SLC9A7: variants seen among roughly 807,000 people sequenced by gnomAD.
SLC9A7 encodes solute carrier family 9 member A7, also known as sodium/hydrogen exchanger 7.
Under a neutral mutation model 52.6 loss-of-function variants are expected in SLC9A7, and 19 were observed. That is an observed-to-expected ratio of 0.36 (90% confidence interval 0.25 to 0.53). The LOEUF is 0.53. SLC9A7 is among the 20% of genes least tolerant of loss of function. SLC9A7 has a pLI of 0.91. For missense variants in SLC9A7, 455 were observed against 597.9 expected (o/e 0.76, Z 2.49); for synonymous variants, 226 against 252.1 (o/e 0.90, Z 0.98).
At chrX:46,679,426 T>C (rs949040000) in intron 3 of SLC9A7, among the ~76,000 whole-genome samples, 2 of 112,598 alleles carry the variant, frequency 1.8e-5, no homozygotes, top group Admixed American at 9.4e-5. Flanking sequence ...CAATTTCAAC[T>C]TTAGTTTTAT....
At chrX:46,748,899 A>C (rs140891048) in intron 1 of SLC9A7, among the ~76,000 whole-genome samples, 5 of 110,617 alleles carry the variant, frequency 4.5e-5, no homozygotes, top group African/African-American at 1.6e-4. Context: ...TGAATATTAT[A>C]AATGTTATTA....
At chrX:46,682,567 G>A (rs1006644377) in intron 1 of SLC9A7, 32 bp from the exon 2 acceptor site, 1 of 1,137,879 alleles carries the variant, frequency 8.8e-7, no homozygotes. Flanking sequence ...CATCAGGCCT[G>A]AGGAAGGATA....
At chrX:46,614,480 A>G (rs992211272) in intron 15 of SLC9A7, among the ~76,000 whole-genome samples, 3 of 111,983 alleles carry the variant, frequency 2.7e-5, no homozygotes. Context: ...GAAAGATCCT[A>G]AGTTGAAGCA....
intron 12 of SLC9A7, among the ~76,000 whole-genome samples, chrX:46,637,837 C>G (rs1269423619): frequency 8.9e-6 from 1 of 112,839 alleles, no homozygotes; most frequent in African/African-American, 3.2e-5. Flanking sequence ...ATATCAATCA[C>G]AAAACACCAA....
chrX:46,641,788 C>G (rs191216406), intron 12 of SLC9A7, among the ~76,000 whole-genome samples: 1 of 111,835 alleles, frequency 8.9e-6, no homozygotes, highest in East Asian at 2.8e-4. Flanking sequence ...CAAATCCTAG[C>G]TTGTCCACTT....
intron 1 of SLC9A7, among the ~76,000 whole-genome samples, chrX:46,742,356 G>A (rs369359471): frequency 9.1e-6 from 1 of 109,324 alleles, no homozygotes; most frequent in Non-Finnish European, 1.9e-5. Flanking sequence ...TCAAAAACTC[G>A]AAACAAGCCT....
At chrX:46,703,663 C>T (rs1294307935) in intron 1 of SLC9A7, among the ~76,000 whole-genome samples, 5 of 111,488 alleles carry the variant, frequency 4.5e-5, no homozygotes, top group African/African-American at 1.6e-4. Context: ...AATGTCTCCT[C>T]CAAAGGGTAC....
chrX:46,745,849 A>G (rs1267918371), intron 1 of SLC9A7, among the ~76,000 whole-genome samples: 1 of 108,985 alleles, frequency 9.2e-6, no homozygotes, highest in Non-Finnish European at 1.9e-5. Context: ...TCTATTAAAA[A>G]AAAAAAAAAA....
chrX:46,660,540 C>A (rs1355286277), intron 7 of SLC9A7, among the ~76,000 whole-genome samples: 4 of 110,343 alleles, frequency 3.6e-5, no homozygotes, highest in Non-Finnish European at 7.6e-5. Flanking sequence ...AACAAACAAC[C>A]CCATCAAAAA....
At chrX:46,725,555 G>A in intron 1 of SLC9A7, 1 of 966,606 alleles carries the variant, frequency 1.0e-6, no homozygotes, top group South Asian at 1.9e-5. Flanking sequence ...CTTGTTCTAT[G>A]TTGAATGACT....
intron 1 of SLC9A7, among the ~76,000 whole-genome samples, chrX:46,732,665 A>G: frequency 8.9e-6 from 1 of 112,328 alleles, no homozygotes; most frequent in African/African-American, 3.2e-5. Flanking sequence ...ACTTCTAATG[A>G]GAAGAATCTG....
intron 15 of SLC9A7, among the ~76,000 whole-genome samples, chrX:46,617,970 A>G (rs758869397): frequency 1.8e-5 from 2 of 111,950 alleles, no homozygotes; most frequent in South Asian, 7.5e-4. Context: ...CACTGAGAAC[A>G]ACTAGAAAAG....
At chrX:46,751,456 A>C (rs1203597487) in intron 1 of SLC9A7, among the ~76,000 whole-genome samples, 1 of 111,552 alleles carries the variant, frequency 9.0e-6, no homozygotes, top group East Asian at 2.8e-4. Flanking sequence ...CTTGTATGTT[A>C]AACAGAGGCA....
chrX:46,755,691 C>T (rs1008552238), intron 1 of SLC9A7, among the ~76,000 whole-genome samples: 1 of 109,170 alleles, frequency 9.2e-6, no homozygotes, highest in Non-Finnish European at 1.9e-5. Context: ...GGCATGGTGG[C>T]GGGCGCCTGT....
intron 13 of SLC9A7, among the ~76,000 whole-genome samples, chrX:46,633,936 T>G (rs1254205608): frequency 9.0e-6 from 1 of 111,275 alleles, no homozygotes; most frequent in East Asian, 2.8e-4. Context: ...CCTCCCAAAG[T>G]GCTGGGATTA....
intron 13 of SLC9A7, among the ~76,000 whole-genome samples, chrX:46,632,432 C>T (rs1372559320): frequency 1.8e-5 from 2 of 111,552 alleles, no homozygotes; most frequent in Admixed American, 9.5e-5. Flanking sequence ...TTCATCCCCC[C>T]ACAATCCCTC....
Position 46,669,624 on chromosome X carries a change from A to G in SLC9A7, c.776T>C (p.Ile259Thr). 8.6e-7 allele frequency: 1 copy of G among 1,162,984 alleles called. No individual in the cohort carries two copies. The highest frequency in any genetic ancestry group is 1.2e-6 in the Non-Finnish European group (1 of 862,831). ...YTDCLFFGAI[I>T]SATDPVTVLA... ...CCAAATACCTGGGTCAGTGGCAGAG[A>G]TGATTGCTCCAAAAAAGAGACAATC... Residue 259 changes from isoleucine (I) to threonine (T), a missense_variant, in exon 5 of 17, where the codon ATC (isoleucine) becomes ACC (threonine). Transcript: ENST00000616978.
At chrX:46,726,589 T>C (rs1392849991) in intron 1 of SLC9A7, among the ~76,000 whole-genome samples, 1 of 111,762 alleles carries the variant, frequency 8.9e-6, no homozygotes, top group African/African-American at 3.3e-5. Flanking sequence ...TTTGTAATGC[T>C]AACCTTCCAT....
At chrX:46,624,233 ACCC>A (rs34909321) in intron 14 of SLC9A7, among the ~76,000 whole-genome samples, 1 of 109,458 alleles carries the variant, frequency 9.1e-6, no homozygotes, top group African/African-American at 3.3e-5. Context: ...GGGGTTGGGA[ACCC>A]CCCCCTATAG....
Sources: allele counts gnomAD v4.1 joint callset (sites outside exome capture counted in the v4.1 genomes callset), GRCh38; gene constraint gnomAD v4.1.1; transcripts MANE v1.5; gene names NCBI Gene and HGNC (gene_info 2026-07-23, HGNC 2026-07-21).